The following GFOD1 variants were observed in gnomAD, a reference collection of about 807,000 sequenced individuals.
GFOD1 encodes the protein Gfo/Idh/MocA-like oxidoreductase domain containing 1, also known as glucose-fructose oxidoreductase domain-containing protein 1.
Under a neutral mutation model 25.4 loss-of-function variants are expected in GFOD1, and 9 were observed. That is an observed-to-expected ratio of 0.35 (90% confidence interval 0.21 to 0.62). The LOEUF (loss-of-function observed/expected upper bound fraction) is 0.62, where lower values mean the gene tolerates loss of function less well. GFOD1 is among the 20% of genes least tolerant of loss of function. GFOD1 has a pLI of 0.72. For synonymous variants in GFOD1, 253 were observed against 245.6 expected (o/e 1.03, Z -0.28); for missense variants, 403 against 556.9 (o/e 0.72, Z 2.78).
At chr6:13,469,227 G>A (rs1021348103) in intron 1 of GFOD1, 4 of 984,930 alleles carry the variant, frequency 4.1e-6, no homozygotes, top group Non-Finnish European at 4.8e-6. Context: ...CACTCAGCCT[G>A]GAGCACACCA....
intron 1 of GFOD1, among the ~76,000 whole-genome samples, chr6:13,400,686 G>C (rs1380815242): frequency 1.3e-5 from 2 of 152,172 alleles, no homozygotes; most frequent in African/African-American, 2.4e-5. Context: ...GCTCTGCTTG[G>C]ACCCTAGTCA....
intron 1 of GFOD1, among the ~76,000 whole-genome samples, chr6:13,464,003 C>A (rs375255200): frequency 6.6e-6 from 1 of 152,206 alleles, no homozygotes; most frequent in African/African-American, 2.4e-5. Flanking sequence ...ACCATATATA[C>A]GTATATACCG....
chr6:13,483,219 G>T (rs1487669749), intron 1 of GFOD1, among the ~76,000 whole-genome samples: 1 of 152,100 alleles, frequency 6.6e-6, no homozygotes. Context: ...ATGTAGGGTG[G>T]GGGGTTTGAG....
intron 1 of GFOD1, among the ~76,000 whole-genome samples, chr6:13,428,951 G>A (rs545339368): frequency 2.0e-5 from 3 of 152,276 alleles, no homozygotes; most frequent in East Asian, 1.9e-4. Context: ...ACATCTTCTC[G>A]ACCATATGAA....
At chr6:13,476,804 T>A (rs1337158238) in intron 1 of GFOD1, among the ~76,000 whole-genome samples, 1 of 152,184 alleles carries the variant, frequency 6.6e-6, no homozygotes, top group East Asian at 1.9e-4. Flanking sequence ...ACTTTTTAAT[T>A]CTCCACAGTA....
intron 1 of GFOD1, among the ~76,000 whole-genome samples, chr6:13,407,685 ATCT>A (rs1366554648): frequency 6.6e-6 from 1 of 152,204 alleles, no homozygotes; most frequent in Non-Finnish European, 1.5e-5. Context: ...TGCAAATGTC[ATCT>A]TCTGCCCAGT....
In GFOD1 at chr6:13,364,486, G is replaced by C. The variant is rs1372690666; in HGVS notation, c.*257C>G. The C allele has an allele frequency of 1.3e-4, 67 of 516,538 alleles. No homozygotes were observed. The East Asian group carries it at 2.1e-3, about 16-fold the overall frequency. 32.0% of individuals were successfully genotyped at this position (516,538 alleles called of 1,614,324 possible). A position where few individuals can be genotyped will look rare whatever the true frequency, so the allele number is the denominator to read the frequency against. On this transcript the variant is annotated 3_prime_UTR_variant, in exon 2 of 2. Coordinates refer to ENST00000379287, the MANE Select transcript of GFOD1 (RefSeq NM_018988.4). This position sits in a 1 kb window ranked among gnomAD's most constrained non-coding sequence, Gnocchi z 4.1. ...GGCAGCTAAACCAAACCACTCTCGT[G>C]CAAATACCCAGCAGGGATCATCCCA...
chr6:13,403,378 G>A (rs890541946), intron 1 of GFOD1, among the ~76,000 whole-genome samples: 15 of 152,054 alleles, frequency 9.9e-5, no homozygotes, highest in African/African-American at 2.2e-4. Flanking sequence ...CGCCTGCCTC[G>A]GCCTCCCAAA....
intron 1 of GFOD1, among the ~76,000 whole-genome samples, chr6:13,425,436 T>C (rs1050457316): frequency 1.1e-4 from 16 of 152,150 alleles, no homozygotes; most frequent in African/African-American, 3.9e-4. Context: ...CCTGTGTTCT[T>C]GGCCACTACC....
At chr6:13,386,426 G>T (rs541461926) in intron 1 of GFOD1, among the ~76,000 whole-genome samples, 2 of 152,290 alleles carry the variant, frequency 1.3e-5, no homozygotes, top group African/African-American at 4.8e-5. Context: ...GGAATCTCGC[G>T]TACTTCGGAG....
intron 1 of GFOD1, among the ~76,000 whole-genome samples, chr6:13,475,739 A>G (rs1182112963): frequency 1.1e-4 from 15 of 140,134 alleles, no homozygotes; most frequent in South Asian, 6.7e-4. Flanking sequence ...AATAATAATA[A>G]TAATAATAAT....
chr6:13,360,765 C>T lies in GFOD1; in HGVS notation c.*3978G>A, dbSNP rs143924773. The T allele has an allele frequency of 1.0e-3, 476 of 456,662 alleles. 2 individuals are homozygous for T. The highest frequency in any genetic ancestry group is 7.4e-3 in the African/African-American group (373 of 50,154). The allele number at this position is 456,662 out of a possible 1,614,324, so 28.3% of individuals were successfully genotyped here. On this transcript the variant is annotated 3_prime_UTR_variant, in exon 2 of 2. Coordinates refer to ENST00000379287, the MANE Select transcript of GFOD1 (RefSeq NM_018988.4). ...GTGCTGACAGCAGGCTGAGTGGAGC[C>T]GCAGGTTAGTCCATGCTTGTCACAG... is the stretch of plus-strand genomic sequence containing the variant.
In GFOD1 at chr6:13,365,184, C is replaced by A; in HGVS notation, c.732G>T (p.Glu244Asp). Reference sequence around the variant, plus strand: ...CCACCACAGTGACATCCTGCTTGAACTCGCCGGGCACGTTGAAGTTGAGGG... The same window carrying A: ...CCACCACAGTGACATCCTGCTTGAAATCGCCGGGCACGTTGAAGTTGAGGG... ...TVTLNFNVPG[E>D]FKQDVTVVGS... Residue 244 changes from glutamate to aspartate, a missense_variant, in exon 2 of 2, where the codon GAG becomes GAT. Physicochemically the swap from Glu to Asp is conservative, Grantham distance 45. Coordinates refer to ENST00000379287, the MANE Select transcript of GFOD1 (RefSeq NM_018988.4). The surrounding 1 kb of genome is among the most constrained non-coding windows in gnomAD (Gnocchi z 9.2). The A allele has an allele frequency of 6.2e-7, 1 of 1,614,010 alleles. No homozygotes were observed. Among genetic ancestry groups the A allele is most frequent in the Non-Finnish European group, 8.5e-7 (1 of 1,180,018 alleles).
intron 1 of GFOD1, 157 bp downstream of exon 1, chr6:13,486,481 G>T: frequency 1.5e-6 from 1 of 670,498 alleles, no homozygotes; most frequent in Non-Finnish European, 2.5e-6. Flanking sequence ...CGAGGAAGGA[G>T]GGAGCTCTGA....
intron 1 of GFOD1, among the ~76,000 whole-genome samples, chr6:13,463,221 C>A (rs888411825): frequency 2.0e-5 from 3 of 152,126 alleles, no homozygotes; most frequent in Non-Finnish European, 4.4e-5. Context: ...GCTGGCAGCC[C>A]CTGGGGAGAT....
At chr6:13,439,134 T>A (rs1246036714) in intron 1 of GFOD1, among the ~76,000 whole-genome samples, 1 of 152,204 alleles carries the variant, frequency 6.6e-6, no homozygotes, top group African/African-American at 2.4e-5. Context: ...CAAACCTTCC[T>A]CACATTTAAT....
At chr6:13,459,544 AG>A (rs1758255554) in intron 1 of GFOD1, among the ~76,000 whole-genome samples, 1 of 152,156 alleles carries the variant, frequency 6.6e-6, no homozygotes, top group Non-Finnish European at 1.5e-5. Context: ...ACACAGCAAA[AG>A]AAACTATCAT....
intron 1 of GFOD1, among the ~76,000 whole-genome samples, chr6:13,379,644 C>G (rs1785319963): frequency 6.6e-6 from 1 of 152,240 alleles, no homozygotes; most frequent in Non-Finnish European, 1.5e-5. Flanking sequence ...CTGACTTCCC[C>G]AGCCTCTCAT....
intron 1 of GFOD1, among the ~76,000 whole-genome samples, chr6:13,380,346 A>T (rs1424307209): frequency 6.6e-6 from 1 of 152,232 alleles, no homozygotes; most frequent in Non-Finnish European, 1.5e-5. Flanking sequence ...CTGCAAGAAG[A>T]AAGTTATTAC....
Sources: gnomAD v4.1 joint callset for allele counts (sites outside exome capture counted in the v4.1 genomes callset) on GRCh38, gnomAD v4.1.1 for gene constraint, Gnocchi (gnomAD v3.1) non-coding constraint, MANE v1.5 for transcripts, NCBI Gene and HGNC (gene_info 2026-07-23, HGNC 2026-07-21) for gene names.